The following ANKMY2 variants were observed in gnomAD, a reference collection of about 807,000 sequenced individuals.
ANKMY2 encodes ankyrin repeat and MYND domain containing 2.
In ANKMY2, 36 loss-of-function variants were observed where a neutral mutation model predicts 50.4. The ratio of observed to expected loss-of-function variants is 0.71; its 90% CI spans 0.55 to 0.94. ANKMY2 has a LOEUF of 0.94. Ranked by LOEUF, ANKMY2 falls within the 40% of genes least tolerant of loss-of-function variation. ANKMY2 has a pLI of 0.00. For missense variants in ANKMY2, 565 were observed against 524.0 expected, an observed-to-expected ratio of 1.08 and a Z score of -0.76; for synonymous variants, 187 against 178.8, an observed-to-expected ratio of 1.05 and a Z score of -0.36.
chr7:16,611,385 G>A (rs1231060167), intron 5 of ANKMY2, among the ~76,000 whole-genome samples: 1 of 152,280 alleles, frequency 6.6e-6, no homozygotes, highest in Middle Eastern at 3.4e-3. Context: ...ATATTAGAAT[G>A]ATCAAATCTT....
chr7:16,604,828 A>G lies in ANKMY2; in HGVS notation c.904T>C (p.Ser302Pro). ...VEIGSDPTAF[S>P]VLTQAITGQV... is the part of the protein sequence containing the mutation. ...CCAGTGATGGCTTGGGTAAGGACGG[A>G]GAATGCAGTGGGATCAGAACCCTAG... Residue 302 changes from serine to proline, a missense_variant, in exon 8 of 10, where the codon TCC (serine) becomes CCC (proline). Transcript: ENST00000306999. 2 of 1,613,738 alleles carry G rather than the reference A, an allele frequency of 1.2e-6. No homozygotes were observed. Among genetic ancestry groups the G allele is most frequent in the Non-Finnish European group, 1.7e-6 (2 of 1,179,818 alleles).
intron 2 of ANKMY2, among the ~76,000 whole-genome samples, chr7:16,635,211 G>A (rs140601124): frequency 8.9e-4 from 136 of 152,192 alleles, no homozygotes; most frequent in African/African-American, 3.1e-3. Flanking sequence ...CTACAGCATG[G>A]GTGAATCTCT....
intron 7 of ANKMY2, among the ~76,000 whole-genome samples, chr7:16,605,146 C>T (rs373396903): frequency 3.3e-5 from 5 of 152,248 alleles, no homozygotes; most frequent in African/African-American, 9.6e-5. Flanking sequence ...AAGCCCATAG[C>T]GTTTCAGATT....
At chr7:16,644,045 G>A (rs926408628) in intron 1 of ANKMY2, among the ~76,000 whole-genome samples, 2 of 151,988 alleles carry the variant, frequency 1.3e-5, no homozygotes, top group African/African-American at 4.8e-5. Flanking sequence ...AGAGAGAGAG[G>A]ACATGTACTA....
intron 9 of ANKMY2, among the ~76,000 whole-genome samples, chr7:16,601,321 G>T (rs770252218): frequency 6.6e-6 from 1 of 152,320 alleles, no homozygotes; most frequent in East Asian, 1.9e-4. Context: ...TCTATAATAT[G>T]CAGGTAATAA....
chr7:16,611,794 T>C (rs1781257905), intron 5 of ANKMY2, among the ~76,000 whole-genome samples: 1 of 152,224 alleles, frequency 6.6e-6, no homozygotes, highest in Non-Finnish European at 1.5e-5. Context: ...TTCTACACTG[T>C]TGTGCCCACC....
At chr7:16,631,057 AG>A (rs1781575001) in intron 2 of ANKMY2, among the ~76,000 whole-genome samples, 1 of 152,220 alleles carries the variant, frequency 6.6e-6, no homozygotes, top group African/African-American at 2.4e-5. Flanking sequence ...AGTTTGTGGA[AG>A]GTTTCTGCAA....
At chr7:16,624,637 C>T (rs184935378) in intron 4 of ANKMY2, among the ~76,000 whole-genome samples, 166 of 152,250 alleles carry the variant, frequency 1.1e-3, no homozygotes, top group Admixed American at 1.9e-3. Flanking sequence ...TTTGCTATCA[C>T]GTGGCACAGC....
rs541797 is a variant in ANKMY2 at position 16,600,866 on chromosome 7, G to A, written c.1221C>T (p.Ser407=). The A allele has an allele frequency of 0.16, 255,557 of 1,612,322 alleles. 22,038 individuals are homozygous for A. Among genetic ancestry groups the A allele is most frequent in the Admixed American group, 0.36 (21,630 of 59,842 alleles). ...TTCCTTCCCCGGAATCTTCAGGATT[G>A]GAATCCTTTTGAGAGATACCTACTT... ...EAEVGISQKD[S]NPEDSGEGKK... Residue 407 remains serine, a synonymous_variant, in exon 10 of 10, where the codon TCC becomes TCT. Transcript: ENST00000306999.
chr7:16,615,622 C>T, intron 5 of ANKMY2, 122 bp downstream of exon 5: 2 of 1,202,472 alleles, frequency 1.7e-6, no homozygotes, highest in Non-Finnish European at 1.2e-6. Context: ...CCAAAAGAGC[C>T]CACTGCAAGC....
chr7:16,619,951 A>G (rs1488910723), intron 4 of ANKMY2, among the ~76,000 whole-genome samples: 1 of 152,242 alleles, frequency 6.6e-6, no homozygotes, highest in Non-Finnish European at 1.5e-5. Context: ...TTGAATTCTC[A>G]TTTGCAAAAC....
At chr7:16,610,399 T>C (rs1187254299) in intron 6 of ANKMY2, 150 bp downstream of exon 6, 2 of 639,334 alleles carry the variant, frequency 3.1e-6, no homozygotes, top group African/African-American at 3.7e-5. Context: ...AAGTATAATA[T>C]TATTCTCTGT....
intron 1 of ANKMY2, among the ~76,000 whole-genome samples, chr7:16,638,923 C>A (rs896058598): frequency 6.6e-6 from 1 of 152,126 alleles, no homozygotes; most frequent in South Asian, 2.1e-4. Flanking sequence ...GTGGCAGAGA[C>A]CAAATAGATA....
At chr7:16,627,540 C>A (rs1781523164) in intron 2 of ANKMY2, among the ~76,000 whole-genome samples, 1 of 152,124 alleles carries the variant, frequency 6.6e-6, no homozygotes, top group South Asian at 2.1e-4. Context: ...GAAGAAAAAT[C>A]TCAAATAATG....
chr7:16,642,353 A>G (rs818326), intron 1 of ANKMY2, among the ~76,000 whole-genome samples: 3,163 of 151,850 alleles, frequency 0.021, 108 homozygotes, highest in African/African-American at 0.073. Context: ...AGTGATTTCA[A>G]TTTCCTCTTA....
At chr7:16,644,107 C>T (rs1293512931) in intron 1 of ANKMY2, among the ~76,000 whole-genome samples, 1 of 152,142 alleles carries the variant, frequency 6.6e-6, no homozygotes. Context: ...TGAATTGATC[C>T]TTTGTCTCCT....
At chr7:16,628,524 TG>T (rs1781536922) in intron 2 of ANKMY2, among the ~76,000 whole-genome samples, 1 of 71,698 alleles carries the variant, frequency 1.4e-5, no homozygotes, top group Non-Finnish European at 2.7e-5. Flanking sequence ...AGTGGGTGGG[TG>T]GGTGTGGGTA....
chr7:16,614,581 A>G (rs187029352), intron 5 of ANKMY2, among the ~76,000 whole-genome samples: 55 of 152,354 alleles, frequency 3.6e-4, no homozygotes, highest in Non-Finnish European at 1.3e-4. Flanking sequence ...GGATGCATCA[A>G]CAAAGTAATA....
intron 1 of ANKMY2, among the ~76,000 whole-genome samples, chr7:16,637,976 G>A (rs1180655008): frequency 6.6e-6 from 1 of 152,182 alleles, no homozygotes; most frequent in Non-Finnish European, 1.5e-5. Flanking sequence ...AATTCTCTAA[G>A]GTGTTTGCCA....
Sources: gnomAD v4.1 joint callset for allele counts (sites outside exome capture counted in the v4.1 genomes callset) on GRCh38, gnomAD v4.1.1 for gene constraint, MANE v1.5 for transcripts, NCBI Gene and HGNC (gene_info 2026-07-23, HGNC 2026-07-21) for gene names.